The following LLGL1 variants were observed in gnomAD, a reference collection of about 807,000 sequenced individuals.
The protein encoded by LLGL1 is lethal(2) giant larvae protein homolog 1.
A neutral mutation model predicts 110.6 loss-of-function variants in LLGL1; 58 were observed. That is an observed-to-expected ratio of 0.52 (90% confidence interval 0.42 to 0.65). The LOEUF is 0.65. Ranked by LOEUF, LLGL1 falls within the 30% of genes least tolerant of loss-of-function variation. LLGL1 has a pLI of 0.00. For missense variants in LLGL1, 1,229 were observed against 1,462.1 expected (o/e 0.84, Z 2.60); for synonymous variants, 674 against 607.2 (o/e 1.11, Z -1.62).
Position 18,240,482 on chromosome 17 carries a change from C to A in LLGL1, c.2207-96C>A. 7.2e-7 allele frequency: 1 copy of A among 1,384,548 alleles called. No individual in the cohort carries two copies. The highest frequency in any genetic ancestry group is 9.7e-7 in the Non-Finnish European group (1 of 1,030,272). 85.8% of individuals were successfully genotyped at this position (1,384,548 alleles called of 1,614,324 possible). Reference sequence around the variant, plus strand: ...GTGTCATAGTTAGGAAGCAGGGCTACAAGAGAGGCAGGGAGGGACCTGCAG... The same window carrying A: ...GTGTCATAGTTAGGAAGCAGGGCTAAAAGAGAGGCAGGGAGGGACCTGCAG... On this transcript the variant is annotated intron_variant, in intron 16 of 22. Transcript: ENST00000316843. The surrounding 1 kb of genome is among the most constrained non-coding windows in gnomAD (Gnocchi z 5.3).
chr17:18,234,616 G>C (rs752876672), intron 7 of LLGL1, 33 bp from the exon 8 acceptor site: 1 of 1,613,552 alleles, frequency 6.2e-7, no homozygotes, highest in Admixed American at 1.7e-5. Flanking sequence ...AGAACCACCA[G>C]TGAGTCTGGT....
intron 22 of LLGL1, among the ~76,000 whole-genome samples, chr17:18,243,373 C>T (rs778411944): frequency 1.3e-5 from 2 of 152,238 alleles, no homozygotes; most frequent in Non-Finnish European, 2.9e-5. Flanking sequence ...TCCCTAAGTC[C>T]TGGGATTACA....
intron 6 of LLGL1, 32 bp from the exon 7 acceptor site, chr17:18,234,237 ATGCC>A (rs757942328): frequency 3.3e-5 from 53 of 1,595,580 alleles, no homozygotes; most frequent in Middle Eastern, 1.7e-4. Context: ...ACCATGGCTC[ATGCC>A]TGCCTGCCTG....
At position 18,232,581 on chromosome 17, in the gene LLGL1, G is replaced by A. The variant is rs372420374; in HGVS notation, c.261+5G>A. 22 of 1,613,974 alleles carry A rather than the reference G, an allele frequency of 1.4e-5. No individual in the cohort carries two copies. Among genetic ancestry groups the A allele is most frequent in the Admixed American group, 3.3e-5 (2 of 59,992 alleles). ...ATGCACTTCTTGACCGGCCAGGTGA[G>A]CCTCTGCTTCCCACTAGCCAGCTCC... is the stretch of plus-strand genomic sequence containing the variant. On this transcript the variant is annotated splice_donor_5th_base_variant and intron_variant, in intron 3 of 22. Coordinates refer to ENST00000316843, the MANE Select transcript of LLGL1 (RefSeq NM_004140.4).
At chr17:18,238,749 G>T (rs1031700461) in intron 16 of LLGL1, 140 bp downstream of exon 16, 16 of 840,956 alleles carry the variant, frequency 1.9e-5, no homozygotes, top group Admixed American at 9.7e-5. Context: ...GCTCAAGCCT[G>T]TGAGTGATCC....
rs1243730400 is a variant in LLGL1, at chr17:18,241,564, C to G, written c.2616C>G (p.Asp872Glu). 3.1e-6 allele frequency: 5 copies of G among 1,613,702 alleles called. No individual in the cohort carries two copies. The East Asian group carries it at 8.9e-5, about 29-fold the overall frequency. ...LATFASVACE[D>E]YAETCLACLT... ...CGTTTGCCAGTGTGGCCTGCGAGGA[C>G]TATGCTGAGACCTGCCTGGCCTGCC... The change falls in exon 18 of 23, where the codon GAC (aspartate) becomes GAG (glutamate). Residue 872 changes from aspartate to glutamate, a missense_variant. By Grantham distance (45) the Asp-to-Glu change is conservative. Coordinates refer to ENST00000316843, the MANE Select transcript of LLGL1 (RefSeq NM_004140.4).
intron 7 of LLGL1, 43 bp from the exon 8 acceptor site, chr17:18,234,606 A>G: frequency 6.2e-7 from 1 of 1,611,858 alleles, no homozygotes; most frequent in Non-Finnish European, 8.5e-7. Flanking sequence ...AGAATTGCTA[A>G]GAACCACCAG....
chr17:18,235,328 A>G lies in LLGL1; in HGVS notation c.1284+16A>G, dbSNP rs746051728. On this transcript the variant is annotated intron_variant, in intron 10 of 22. Coordinates refer to ENST00000316843, the MANE Select transcript of LLGL1 (RefSeq NM_004140.4). ...CAGTGCCTTGGTGTGTGCGGCGATC[A>G]GGGGGGTCTTACAGGGTGGAGTCTT... The G allele has an allele frequency of 3.7e-6, 6 of 1,609,374 alleles. No individual in the cohort carries two copies. Among genetic ancestry groups the G allele is most frequent in the Non-Finnish European group, 5.1e-6 (6 of 1,178,928 alleles).
chr17:18,236,301 C>T, intron 11 of LLGL1: 2 of 357,150 alleles, frequency 5.6e-6, no homozygotes. Flanking sequence ...GCAGGCAGAA[C>T]CCCCAAAGTC....
At position 18,235,158 on chromosome 17, in the gene LLGL1, C is replaced by A; in HGVS notation, c.1130C>A (p.Pro377His). 2 of 1,613,498 alleles carry A rather than the reference C, an allele frequency of 1.2e-6. No individual in the cohort carries two copies. The highest frequency in any genetic ancestry group is 8.5e-7 in the Non-Finnish European group (1 of 1,180,032). Residue 377 changes from proline (P) to histidine (H), a missense_variant, in exon 10 of 23, where the codon CCT becomes CAT. Coordinates refer to ENST00000316843, the MANE Select transcript of LLGL1 (RefSeq NM_004140.4). ...EELVVLDLQT[P>H]GWPAVPAPYL... ...CTGGTGGTGCTGGACCTGCAGACTC[C>A]TGGCTGGCCAGCTGTGCCTGCCCCA...
rs2047658674 is a variant in LLGL1, at chr17:18,234,965, C to A, written c.1032C>A (p.Phe344Leu). Residue 344 changes from phenylalanine to leucine, a missense_variant, in exon 9 of 23, where the codon TTC (phenylalanine) becomes TTA (leucine). Transcript: ENST00000316843. Reference protein sequence around the residue: ...LDFTSRIIDFFTVHSTRPEDE... With the variant: ...LDFTSRIIDFLTVHSTRPEDE... The stretch of plus-strand genomic sequence containing the variant: ...TCACTTCCCGCATCATCGACTTCTT[C>A]ACAGTGCACAGCACACGGCCCGAGG... 1 of 1,613,946 alleles carries A rather than the reference C, an allele frequency of 6.2e-7. No homozygotes were observed. Among genetic ancestry groups the A allele is most frequent in the African/African-American group, 1.3e-5 (1 of 74,930 alleles).
At chr17:18,242,681 C>G in intron 21 of LLGL1, 53 bp downstream of exon 21, 1 of 1,570,780 alleles carries the variant, frequency 6.4e-7, no homozygotes, top group South Asian at 1.2e-5. Flanking sequence ...CCTAGGCCTC[C>G]GTCCCCAGGG....
chr17:18,234,680 T>G lies in LLGL1; in HGVS notation c.882T>G (p.Ile294Met). 1 of 1,614,068 alleles carries G rather than the reference T, an allele frequency of 6.2e-7. No individual in the cohort carries two copies. The highest frequency in any genetic ancestry group is 8.5e-7 in the Non-Finnish European group (1 of 1,179,998). The change falls in exon 8 of 23, where the codon ATT becomes ATG. Residue 294 changes from isoleucine (I) to methionine (M), a missense_variant. Transcript: ENST00000316843. ...GPFPCKAINKILWRNCESGGH... is the reference protein window; with the variant it reads ...GPFPCKAINKMLWRNCESGGH... ...TTCCCTGCAAGGCCATTAACAAGAT[T>G]CTGTGGCGGAACTGTGAATCTGGGT...
chr17:18,232,363 G>T, intron 2 of LLGL1, 132 bp from the exon 3 acceptor site: 1 of 728,150 alleles, frequency 1.4e-6, no homozygotes, highest in Admixed American at 2.9e-5. Context: ...CGTTCTTCAG[G>T]GAGGACTCCT....
intron 22 of LLGL1, among the ~76,000 whole-genome samples, chr17:18,243,586 C>T (rs57808902): frequency 0.13 from 20,285 of 152,222 alleles, 1,513 homozygotes; most frequent in East Asian, 0.23. Flanking sequence ...AGATGTGGGG[C>T]CCATAGATCT....
Position 18,237,540 on chromosome 17 carries a change from A to C in LLGL1, c.1671A>C (p.Ile557=). The C allele has an allele frequency of 6.2e-7, 1 of 1,607,460 alleles. No individual in the cohort carries two copies. Among genetic ancestry groups the C allele is most frequent in the Non-Finnish European group, 8.5e-7 (1 of 1,177,106 alleles). The change falls in exon 14 of 23, where the codon ATA becomes ATC. Residue 557 remains isoleucine, a synonymous_variant. Coordinates refer to ENST00000316843, the MANE Select transcript of LLGL1 (RefSeq NM_004140.4). ...PVEQAVSVAI[I]DLLQDREGFT... ...AGCAGGCGGTCAGCGTGGCCATCAT[A>C]GACCTCCTCCAGGACCGCGAGGGCT... is the stretch of plus-strand genomic sequence containing the variant.
chr17:18,232,908 G>A, intron 4 of LLGL1, 106 bp downstream of exon 4: 2 of 1,458,726 alleles, frequency 1.4e-6, no homozygotes, highest in Non-Finnish European at 1.9e-6. Flanking sequence ...GCGGTTCAGG[G>A]CGGGATGCCT....
intron 14 of LLGL1, 32 bp downstream of exon 14, chr17:18,237,805 A>C (rs2047729722): frequency 1.3e-6 from 2 of 1,577,512 alleles, no homozygotes; most frequent in African/African-American, 2.7e-5. Context: ...GGGCAGTTGG[A>C]GCCCCCAGCG....
At chr17:18,241,162 G>T in intron 17 of LLGL1, 1 of 591,400 alleles carries the variant, frequency 1.7e-6, no homozygotes, top group South Asian at 2.2e-5. Context: ...CCAGTCCCCA[G>T]GGGCTCTGCC....
Sources: gnomAD v4.1 joint callset for allele counts (sites outside exome capture counted in the v4.1 genomes callset) on GRCh38, gnomAD v4.1.1 for gene constraint, Gnocchi (gnomAD v3.1) non-coding constraint, MANE v1.5 for transcripts, NCBI Gene and HGNC (gene_info 2026-07-23, HGNC 2026-07-21) for gene names.